RBFOX1: variants seen among roughly 807,000 people sequenced by gnomAD.
RBFOX1 encodes RNA binding fox-1 homolog 1.
In RBFOX1, 8 loss-of-function variants were observed where a neutral mutation model predicts 57.7. The observed-to-expected ratio is 0.14, with a 90% CI of 0.08 to 0.25. The LOEUF is 0.25. Among genes scored for constraint, RBFOX1 ranks in the 10% least tolerant of loss-of-function variants. The pLI is 1.00. For synonymous variants in RBFOX1, 326 were observed against 222.4 expected (o/e 1.47, Z -4.15); for missense variants, 611 against 548.5 (o/e 1.11, Z -1.14).
intron 3 of RBFOX1, among the ~76,000 whole-genome samples, chr16:6,790,931 G>T (rs1466700351): frequency 2.0e-5 from 3 of 151,360 alleles, no homozygotes; most frequent in Admixed American, 6.6e-5. Flanking sequence ...TTTGCAATGG[G>T]GTCTGACTGT....
At chr16:5,378,933 A>T (rs978194845) in intron 1 of RBFOX1, among the ~76,000 whole-genome samples, 2 of 151,600 alleles carry the variant, frequency 1.3e-5, no homozygotes, top group African/African-American at 2.4e-5. Flanking sequence ...CCTTTTCTCC[A>T]CTGAAAACCA....
chr16:5,972,079 T>G (rs528599186), intron 4 of RBFOX1, among the ~76,000 whole-genome samples: 1 of 152,336 alleles, frequency 6.6e-6, no homozygotes, highest in African/African-American at 2.4e-5. Context: ...GCCTTCAGAC[T>G]GAAACACCAC....
chr16:6,062,032 G>C (rs1226701091), intron 1 of RBFOX1, among the ~76,000 whole-genome samples: 1 of 152,108 alleles, frequency 6.6e-6, no homozygotes, highest in Non-Finnish European at 1.5e-5. Flanking sequence ...ATAGAACTCA[G>C]GAAAACACTG....
At chr16:5,763,468 A>T (rs1041619673) in intron 3 of RBFOX1, among the ~76,000 whole-genome samples, 1 of 152,202 alleles carries the variant, frequency 6.6e-6, no homozygotes, top group Admixed American at 6.5e-5. Context: ...TGGCTGTGAG[A>T]AAAGCCCCTG....
chr16:5,758,100 C>T (rs961238379), intron 3 of RBFOX1, among the ~76,000 whole-genome samples: 2 of 152,128 alleles, frequency 1.3e-5, no homozygotes, highest in African/African-American at 4.8e-5. Flanking sequence ...GGCTGACCAC[C>T]CATATGTGTG....
At chr16:6,962,891 A>T (rs1452468106) in intron 3 of RBFOX1, among the ~76,000 whole-genome samples, 1 of 146,982 alleles carries the variant, frequency 6.8e-6, no homozygotes, top group African/African-American at 2.5e-5. Flanking sequence ...AAAGAAAAGA[A>T]AGTGAGCCTT....
At chr16:6,881,735 T>A (rs1318490360) in intron 3 of RBFOX1, among the ~76,000 whole-genome samples, 1 of 152,116 alleles carries the variant, frequency 6.6e-6, no homozygotes. Flanking sequence ...CACATCACAC[T>A]GGGTGCCTAC....
chr16:7,267,044 C>G (rs144901892), intron 4 of RBFOX1, among the ~76,000 whole-genome samples: 111 of 152,156 alleles, frequency 7.3e-4, no homozygotes, highest in Non-Finnish European at 1.3e-3. Flanking sequence ...AGACAGGAGG[C>G]CAGCATACCT....
chr16:5,901,696 A>C (rs2058309009), intron 4 of RBFOX1, among the ~76,000 whole-genome samples: 1 of 152,234 alleles, frequency 6.6e-6, no homozygotes, highest in African/African-American at 2.4e-5. Context: ...TTGGACATCC[A>C]CATCAGAGAG....
chr16:5,669,454 C>T (rs1419112653), intron 3 of RBFOX1, among the ~76,000 whole-genome samples: 2 of 139,466 alleles, frequency 1.4e-5, no homozygotes, highest in East Asian at 2.2e-4. Flanking sequence ...GACAGAGTCT[C>T]GTTCTGTTAG....
intron 1 of RBFOX1, among the ~76,000 whole-genome samples, chr16:5,258,471 C>CT (rs1349097357): frequency 1.3e-5 from 2 of 152,168 alleles, no homozygotes; most frequent in Non-Finnish European, 2.9e-5. Context: ...TTAATATCCT[C>CT]TAAGATCGAG....
At chr16:6,986,138 T>G (rs1214935326) in intron 3 of RBFOX1, among the ~76,000 whole-genome samples, 1 of 149,766 alleles carries the variant, frequency 6.7e-6, no homozygotes, top group Non-Finnish European at 1.5e-5. Context: ...ATGTAAGACT[T>G]GTACAATAAC....
intron 2 of RBFOX1, among the ~76,000 whole-genome samples, chr16:6,387,171 C>T (rs1435712751): frequency 1.3e-5 from 2 of 152,176 alleles, no homozygotes; most frequent in East Asian, 1.9e-4. Context: ...AAGCGTTGGC[C>T]TTGAGAATAA....
chr16:7,705,257 A>T (rs1318321009), intron 14 of RBFOX1, among the ~76,000 whole-genome samples: 1 of 152,164 alleles, frequency 6.6e-6, no homozygotes, highest in Non-Finnish European at 1.5e-5. Context: ...GTGTAATCCC[A>T]GCACTTTGGG....
chr16:6,918,066 C>A (rs150616137), intron 3 of RBFOX1, among the ~76,000 whole-genome samples: 25 of 152,186 alleles, frequency 1.6e-4, no homozygotes, highest in African/African-American at 5.8e-4. Flanking sequence ...GCGGGTGGAT[C>A]GCTTGAGGTC....
rs548712779 is a variant in RBFOX1 at position 6,484,869 on chromosome 16, G to T, written c.-64+167812G>T. 2.0e-5 allele frequency among the ~76,000 whole-genome samples: 3 copies of T among 152,266 alleles called. No individual in the cohort carries two copies. In the South Asian group the frequency reaches 6.2e-4, roughly 32 times the overall value. On this transcript the variant is annotated intron_variant, in intron 2 of 15. Coordinates refer to ENST00000550418, the MANE Select transcript of RBFOX1 (RefSeq NM_018723.4). ...CATTGTTGACATGGTTTCAATTTTG[G>T]TTACACAGAAATGAATGCGGTTTAT...
At chr16:7,222,555 T>C (rs538057334) in intron 4 of RBFOX1, among the ~76,000 whole-genome samples, 11 of 152,250 alleles carry the variant, frequency 7.2e-5, no homozygotes, top group African/African-American at 2.6e-4. Flanking sequence ...GAAGCAACAA[T>C]TGGATATGTG....
At chr16:7,504,055 A>G (rs568420875) in intron 4 of RBFOX1, among the ~76,000 whole-genome samples, 8 of 152,298 alleles carry the variant, frequency 5.3e-5, no homozygotes, top group African/African-American at 1.2e-4. Flanking sequence ...TTATATCTCT[A>G]TGATTATTTG....
chr16:5,500,457 C>T (rs535206592), intron 2 of RBFOX1, among the ~76,000 whole-genome samples: 7 of 151,998 alleles, frequency 4.6e-5, no homozygotes, highest in African/African-American at 7.3e-5. Context: ...CCTGGACTCA[C>T]GCAATCGTCC....
Sources: allele counts gnomAD v4.1 joint callset (sites outside exome capture counted in the v4.1 genomes callset), GRCh38; gene constraint gnomAD v4.1.1; transcripts MANE v1.5; gene names NCBI Gene and HGNC (gene_info 2026-07-23, HGNC 2026-07-21).